The following PRPF4 variants were observed in gnomAD, a reference collection of about 807,000 sequenced individuals.
The protein encoded by PRPF4 is U4/U6 small nuclear ribonucleoprotein Prp4.
In PRPF4, 14 loss-of-function variants were observed where a neutral mutation model predicts 72.2. The ratio of observed to expected loss-of-function variants is 0.19; its 90% CI spans 0.13 to 0.30. PRPF4 has a LOEUF of 0.30. Ranked by LOEUF, PRPF4 falls within the 10% of genes least tolerant of loss-of-function variation. The pLI is 1.00. For synonymous variants in PRPF4, 225 were observed against 232.2 expected (o/e 0.97, Z 0.28); for missense variants, 478 against 653.9 (o/e 0.73, Z 2.93).
intron 8 of PRPF4, 45 bp from the exon 9 acceptor site, chr9:113,286,659 TA>T (rs1373409323): frequency 6.2e-7 from 1 of 1,612,922 alleles, no homozygotes; most frequent in Admixed American, 1.7e-5. Context: ...ACATGGGTTA[TA>T]AAGAGGCAGG....
At position 113,290,471 on chromosome 9, in the gene PRPF4, ACC is replaced by A; in HGVS notation, c.1029_1030del (p.Asp343GlufsTer21). 6.2e-7 allele frequency: 1 copy of A among 1,614,176 alleles called. No homozygotes were observed. Among genetic ancestry groups the A allele is most frequent in the Non-Finnish European group, 8.5e-7 (1 of 1,180,036 alleles). ...TTAGTGTGATTTGGTTTTAGCTATG[ACC>A]GTTCATGGCGCTTATGGGATTTGGA... is the stretch of plus-strand genomic sequence containing the variant. On this transcript the variant is annotated frameshift_variant, in exon 11 of 14. Transcript: ENST00000374198. LOFTEE classifies it high-confidence loss of function.
rs552150384 is a variant in PRPF4 at position 113,291,765 on chromosome 9, A to G, written c.*105A>G. 1.1e-5 allele frequency: 13 copies of G among 1,141,348 alleles called. No individual in the cohort carries two copies. The East Asian group carries it at 2.9e-4, about 25-fold the overall frequency. The allele number at this position is 1,141,348 out of a possible 1,614,324, so 70.7% of individuals were successfully genotyped here. A position where few individuals can be genotyped will look rare whatever the true frequency, so the allele number is the denominator to read the frequency against. On this transcript the variant is annotated 3_prime_UTR_variant, in exon 14 of 14. Transcript: ENST00000374198. ...AGTTCTATCATGTTTTCTGCCAATT[A>G]CCATGCATAGACCCTCAGTAGAATT... is the stretch of plus-strand genomic sequence containing the variant.
intron 13 of PRPF4, 120 bp downstream of exon 13, chr9:113,291,136 G>A (rs1588020358): frequency 9.8e-7 from 1 of 1,020,402 alleles, no homozygotes. Flanking sequence ...TTGACCTACT[G>A]GTAAAGGAGC....
At chr9:113,283,004 C>T in intron 4 of PRPF4, 128 bp from the exon 5 acceptor site, 3 of 1,513,860 alleles carry the variant, frequency 2.0e-6, no homozygotes, top group Non-Finnish European at 2.7e-6. Flanking sequence ...AGAAAGTCCT[C>T]TGCCTGATTT....
Position 113,275,698 on chromosome 9 carries a change from G to A in PRPF4, c.-46G>A, listed in dbSNP as rs377644636. 2.5e-6 allele frequency: 4 copies of A among 1,601,680 alleles called. No individual in the cohort carries two copies. The African/African-American group carries it at 4.0e-5, about 16-fold the overall frequency. On this transcript the variant is annotated 5_prime_UTR_variant, in exon 1 of 14. Coordinates refer to ENST00000374198, the MANE Select transcript of PRPF4 (RefSeq NM_001244926.2). ...TGGGCGCGCGGTGGACGGTCTGAAA[G>A]GGAGTGTTCGGGTTTCGCTGGGGCC...
rs766302799 is a variant in PRPF4, at chr9:113,290,448, A to G, written c.1023-18A>G. The stretch of plus-strand genomic sequence containing the variant: ...AATAAATATCAGCTGGTTGATTGTT[A>G]GTGTGATTTGGTTTTAGCTATGACC... On this transcript the variant is annotated intron_variant, in intron 10 of 13. Transcript: ENST00000374198. 6.2e-7 allele frequency: 1 copy of G among 1,614,036 alleles called. No individual in the cohort carries two copies. The highest frequency in any genetic ancestry group is 8.5e-7 in the Non-Finnish European group (1 of 1,180,006).
chr9:113,279,467 G>A (rs1444932110), intron 3 of PRPF4, among the ~76,000 whole-genome samples: 1 of 152,108 alleles, frequency 6.6e-6, no homozygotes, highest in Non-Finnish European at 1.5e-5. Context: ...GGGTTCAAGC[G>A]ATTTTCCTGC....
At chr9:113,284,783 G>A (rs948556131) in intron 7 of PRPF4, among the ~76,000 whole-genome samples, 4 of 152,206 alleles carry the variant, frequency 2.6e-5, no homozygotes, top group African/African-American at 9.6e-5. Flanking sequence ...AGTGGGATGA[G>A]GTAGTGTTTG....
intron 6 of PRPF4, among the ~76,000 whole-genome samples, chr9:113,283,698 C>A (rs1427526682): frequency 6.6e-6 from 1 of 152,088 alleles, no homozygotes; most frequent in Non-Finnish European, 1.5e-5. Flanking sequence ...TTCTTTATTT[C>A]TCCCCGTTAA....
rs58191876 is a variant in PRPF4 at position 113,282,159 on chromosome 9, C to T, written c.393-487C>T. On this transcript the variant is annotated intron_variant, in intron 3 of 13. Transcript: ENST00000374198. ...GAAACCACACTGGGAGTTTAGCCATCCCCACTTGACTCTTAAAGAAGGTTC... is the reference window on the plus strand; with the variant it reads ...GAAACCACACTGGGAGTTTAGCCATTCCCACTTGACTCTTAAAGAAGGTTC... Among the ~76,000 whole-genome samples the T allele has an allele frequency of 5.3e-3, 801 of 152,266 alleles. 12 individuals are homozygous for T. The highest frequency in any genetic ancestry group is 0.018 in the African/African-American group (768 of 41,552).
intron 3 of PRPF4, among the ~76,000 whole-genome samples, chr9:113,281,826 G>C (rs922178038): frequency 6.6e-6 from 1 of 151,994 alleles, no homozygotes; most frequent in South Asian, 2.1e-4. Context: ...TTAGATGCCC[G>C]TTACAAAGTC....
chr9:113,279,202 C>A, intron 3 of PRPF4, 71 bp downstream of exon 3: 1 of 1,342,460 alleles, frequency 7.4e-7, no homozygotes, highest in South Asian at 1.4e-5. Context: ...TTTGGTTGAT[C>A]ATTTAGTTGA....
At chr9:113,278,023 G>A (rs1297481705) in intron 2 of PRPF4, among the ~76,000 whole-genome samples, 1 of 152,150 alleles carries the variant, frequency 6.6e-6, no homozygotes, top group Non-Finnish European at 1.5e-5. Context: ...ATGTATAAAT[G>A]TGTGAAGTAG....
At chr9:113,277,149 A>G (rs2118586194) in intron 2 of PRPF4, among the ~76,000 whole-genome samples, 1 of 152,116 alleles carries the variant, frequency 6.6e-6, no homozygotes, top group South Asian at 2.1e-4. Context: ...ATAAGGCTGT[A>G]TTTTGCCTAC....
At position 113,278,984 on chromosome 9, in the gene PRPF4, A is replaced by G. The variant is rs768483363; in HGVS notation, c.245A>G (p.Gln82Arg). The G allele has an allele frequency of 6.2e-7, 1 of 1,614,250 alleles. No individual in the cohort carries two copies. The highest frequency in any genetic ancestry group is 8.5e-7 in the Non-Finnish European group (1 of 1,180,038). Residue 82 changes from glutamine (Q) to arginine (R), a missense_variant, in exon 3 of 14, where the codon CAG (glutamine) becomes CGG (arginine). Gln to Arg is a conservative substitution (Grantham distance 43). Transcript: ENST00000374198. The stretch of plus-strand genomic sequence containing the variant: ...ATTGAAGAGCATATCAGCGAGCGAC[A>G]GGCAGAAGTATTGGCTGAGTTTGAG... ...FEIEEHISERQAEVLAEFERR... is the reference protein window; with the variant it reads ...FEIEEHISERRAEVLAEFERR...
chr9:113,280,875 C>G (rs1832259837), intron 3 of PRPF4, among the ~76,000 whole-genome samples: 1 of 151,928 alleles, frequency 6.6e-6, no homozygotes, highest in Admixed American at 6.6e-5. Flanking sequence ...GAGTCTCGCT[C>G]TGTCACCCAG....
At chr9:113,283,263 C>T (rs570165753) in intron 5 of PRPF4, 52 bp downstream of exon 5, 1 of 1,614,004 alleles carries the variant, frequency 6.2e-7, no homozygotes, top group Admixed American at 1.7e-5. Context: ...TGTGTGTTTC[C>T]TCTCAGGAAC....
At position 113,278,967 on chromosome 9, in the gene PRPF4, G is replaced by A. The variant is rs533143293; in HGVS notation, c.228G>A (p.Glu76=). ...TAGGAGAAGTGTTTGAAATTGAAGA[G>A]CATATCAGCGAGCGACAGGCAGAAG... is the stretch of plus-strand genomic sequence containing the variant. ...ITSGEVFEIE[E]HISERQAEVL... The change falls in exon 3 of 14, where the codon GAG becomes GAA. Residue 76 remains glutamate, a synonymous_variant. Coordinates refer to ENST00000374198, the MANE Select transcript of PRPF4 (RefSeq NM_001244926.2). The A allele has an allele frequency of 1.3e-5, 21 of 1,614,092 alleles. No individual in the cohort carries two copies. The highest frequency in any genetic ancestry group is 1.8e-5 in the Non-Finnish European group (21 of 1,180,034).
intron 3 of PRPF4, among the ~76,000 whole-genome samples, chr9:113,280,307 C>T (rs1224751372): frequency 6.6e-6 from 1 of 152,118 alleles, no homozygotes; most frequent in African/African-American, 2.4e-5. Flanking sequence ...TACAGGCTGC[C>T]TTTTTCTCTA....
Sources: gnomAD v4.1 joint callset for allele counts (sites outside exome capture counted in the v4.1 genomes callset) on GRCh38, gnomAD v4.1.1 for gene constraint, MANE v1.5 for transcripts, NCBI Gene and HGNC (gene_info 2026-07-23, HGNC 2026-07-21) for gene names.